Variants in CCDC6 observed in about 807,000 individuals in gnomAD.
The protein encoded by CCDC6 is coiled-coil domain containing 6.
In CCDC6, 20 loss-of-function variants were observed where a neutral mutation model predicts 56.6. The observed-to-expected ratio is 0.35, with a 90% CI of 0.25 to 0.51. The LOEUF (loss-of-function observed/expected upper bound fraction) is 0.51, where lower values mean the gene tolerates loss of function less well. CCDC6 is among the 20% of genes least tolerant of loss of function. The pLI is 0.95. For missense variants in CCDC6, 367 were observed against 601.1 expected (o/e 0.61, Z 4.07); for synonymous variants, 241 against 234.4 (o/e 1.03, Z -0.26).
At chr10:59,809,665 T>A (rs375733440) in intron 5 of CCDC6, among the ~76,000 whole-genome samples, 3 of 152,158 alleles carry the variant, frequency 2.0e-5, no homozygotes, top group Admixed American at 2.0e-4. Context: ...TTTCCCCAGG[T>A]CTACAGCCAT....
chr10:59,849,409 C>T (rs2071019766), intron 2 of CCDC6, among the ~76,000 whole-genome samples: 2 of 152,122 alleles, frequency 1.3e-5, no homozygotes, highest in Non-Finnish European at 2.9e-5. Context: ...TTTTAAAGGG[C>T]AAAGGGATTT....
At chr10:59,815,312 G>A (rs2070702196) in intron 3 of CCDC6, among the ~76,000 whole-genome samples, 1 of 152,170 alleles carries the variant, frequency 6.6e-6, no homozygotes, top group Admixed American at 6.5e-5. Flanking sequence ...AGGATTTAGG[G>A]AAGGAAGAAA....
intron 1 of CCDC6, among the ~76,000 whole-genome samples, chr10:59,874,880 A>G (rs1318125613): frequency 6.6e-6 from 1 of 152,222 alleles, no homozygotes; most frequent in Non-Finnish European, 1.5e-5. Flanking sequence ...GAAAAACTGC[A>G]GCCCTGTCAC....
chr10:59,889,313 T>C (rs1486794389), intron 1 of CCDC6, among the ~76,000 whole-genome samples: 1 of 152,180 alleles, frequency 6.6e-6, no homozygotes, highest in Non-Finnish European at 1.5e-5. Context: ...AGGAGGAAGA[T>C]GGATAGGAAA....
chr10:59,842,355 C>T (rs1179555536), intron 2 of CCDC6, among the ~76,000 whole-genome samples: 1 of 152,152 alleles, frequency 6.6e-6, no homozygotes, highest in African/African-American at 2.4e-5. Flanking sequence ...CCTATGTAAA[C>T]ACTTTTTTAA....
rs376474959 is a variant in CCDC6, at chr10:59,793,410, CGTGT to C, written c.1231-303_1231-300del. On this transcript the variant is annotated intron_variant, in intron 8 of 8. Transcript: ENST00000263102. ...AAATATCCCCTTAAATCTTTCTTTC[CGTGT>C]GTGTCACCAATTCCCTCTATTGCTT... Among the ~76,000 whole-genome samples, 151 of 152,274 alleles carry C rather than the reference CGTGT, an allele frequency of 9.9e-4. 1 individual carries two copies. In the East Asian group the frequency reaches 0.019, roughly 19 times the overall value.
At chr10:59,878,763 G>A (rs2132673368) in intron 1 of CCDC6, among the ~76,000 whole-genome samples, 1 of 152,272 alleles carries the variant, frequency 6.6e-6, no homozygotes, top group East Asian at 1.9e-4. Context: ...CTTAAAAAGA[G>A]TCATAATGAG....
chr10:59,801,102 C>A (rs2070571400), intron 7 of CCDC6, among the ~76,000 whole-genome samples: 1 of 152,108 alleles, frequency 6.6e-6, no homozygotes, highest in South Asian at 2.1e-4. Context: ...AACATTAACA[C>A]CGCCTTTGGA....
intron 1 of CCDC6, among the ~76,000 whole-genome samples, chr10:59,889,214 T>C (rs1032246643): frequency 6.6e-6 from 1 of 152,204 alleles, no homozygotes; most frequent in African/African-American, 2.4e-5. Flanking sequence ...CCATCTGGCA[T>C]TCCCTGCAGG....
intron 1 of CCDC6, among the ~76,000 whole-genome samples, chr10:59,904,622 T>C (rs2132691797): frequency 6.6e-6 from 1 of 152,338 alleles, no homozygotes. Flanking sequence ...GGCTTGGAAG[T>C]GGCTGCCTCT....
chr10:59,855,707 T>C (rs934278473), intron 1 of CCDC6, among the ~76,000 whole-genome samples: 2 of 152,224 alleles, frequency 1.3e-5, no homozygotes, highest in African/African-American at 4.8e-5. Context: ...ACCTTCCCAA[T>C]ATACTAAAAA....
intron 1 of CCDC6, among the ~76,000 whole-genome samples, chr10:59,887,549 TATA>T (rs1192609296): frequency 6.7e-6 from 1 of 150,302 alleles, no homozygotes; most frequent in Non-Finnish European, 1.5e-5. Flanking sequence ...CAGAACAGAA[TATA>T]ATATCATATA....
intron 1 of CCDC6, among the ~76,000 whole-genome samples, chr10:59,902,264 G>A (rs183724516): frequency 5.3e-5 from 8 of 152,194 alleles, no homozygotes; most frequent in Admixed American, 5.2e-4. Context: ...CATTGGTTAA[G>A]AGCTTCTATT....
chr10:59,884,552 C>T (rs117711346), intron 1 of CCDC6, among the ~76,000 whole-genome samples: 2,639 of 152,082 alleles, frequency 0.017, 32 homozygotes, highest in Middle Eastern at 0.044. Context: ...AAAGAGAGTG[C>T]GCCCAGTTCC....
At chr10:59,812,902 C>T (rs2070684263) in intron 4 of CCDC6, 107 bp from the exon 5 acceptor site, 1 of 726,574 alleles carries the variant, frequency 1.4e-6, no homozygotes, top group Non-Finnish European at 2.3e-6. Flanking sequence ...CTGTTTACTG[C>T]CAGAATTCAC....
chr10:59,828,312 C>T (rs1278449249), intron 3 of CCDC6, among the ~76,000 whole-genome samples: 1 of 152,140 alleles, frequency 6.6e-6, no homozygotes, highest in Non-Finnish European at 1.5e-5. Context: ...CTAGATTAAT[C>T]CAATTTACTA....
intron 2 of CCDC6, among the ~76,000 whole-genome samples, chr10:59,850,990 A>G (rs1210291210): frequency 6.6e-6 from 1 of 152,092 alleles, no homozygotes; most frequent in Admixed American, 6.6e-5. Flanking sequence ...GGTAGGTTAC[A>G]TAAGTGAACG....
intron 2 of CCDC6, among the ~76,000 whole-genome samples, chr10:59,837,746 CAAAAAAAAA>C (rs397940135): frequency 2.0e-5 from 1 of 49,748 alleles, no homozygotes; most frequent in African/African-American, 6.4e-5. Context: ...GACTCTGTCT[CAAAAAAAAA>C]AAAAAAAAAA....
At chr10:59,831,648 T>C (rs554088081) in intron 3 of CCDC6, among the ~76,000 whole-genome samples, 4 of 152,338 alleles carry the variant, frequency 2.6e-5, no homozygotes, top group Admixed American at 2.6e-4. Context: ...CAGGTAGCAG[T>C]ACACTAGCAT....
Sources: gnomAD v4.1 joint callset for allele counts (sites outside exome capture counted in the v4.1 genomes callset) on GRCh38, gnomAD v4.1.1 for gene constraint, MANE v1.5 for transcripts, NCBI Gene and HGNC (gene_info 2026-07-23, HGNC 2026-07-21) for gene names.